Variants in GTF2H1 observed in about 807,000 individuals in gnomAD.
GTF2H1 encodes the protein BTF2 p62.
Under a neutral mutation model 71.2 loss-of-function variants are expected in GTF2H1, and 16 were observed. That is an observed-to-expected ratio of 0.22 (90% CI 0.15 to 0.34). GTF2H1 has a LOEUF of 0.34. Ranked by LOEUF, GTF2H1 falls within the 10% of genes least tolerant of loss-of-function variation. The pLI, the probability that GTF2H1 is intolerant of heterozygous loss-of-function variation, is 1.00. For synonymous variants in GTF2H1, 215 were observed against 219.0 expected (o/e 0.98, Z 0.16); for missense variants, 498 against 648.2 (o/e 0.77, Z 2.52).
Position 18,341,277 on chromosome 11 carries a change from A to G in GTF2H1, c.624A>G (p.Ala208=). The G allele has an allele frequency of 6.2e-7, 1 of 1,610,244 alleles. No individual in the cohort carries two copies. The highest frequency in any genetic ancestry group is 1.7e-5 in the Admixed American group (1 of 59,138). Residue 208 remains alanine (A), a synonymous_variant, in exon 6 of 15, where the codon GCA becomes GCG. Transcript: ENST00000265963. The part of the protein sequence containing the change: ...RTYPAVKMKY[A]ENVPHNMTEK... ...TTTCCACAGTAAAAATGAAATATGC[A>G]GAAAATGTTCCCCACAACATGACAG...
intron 2 of GTF2H1, among the ~76,000 whole-genome samples, chr11:18,334,495 A>G (rs749996520): frequency 3.0e-4 from 46 of 152,224 alleles, no homozygotes; most frequent in Non-Finnish European, 5.3e-4. Context: ...GTCTCTCTCA[A>G]ATGGGAAGCT....
At chr11:18,323,884 C>T (rs925835764) in intron 1 of GTF2H1, among the ~76,000 whole-genome samples, 10 of 152,138 alleles carry the variant, frequency 6.6e-5, no homozygotes, top group Admixed American at 5.9e-4. Flanking sequence ...AAAACCAGAG[C>T]AGTTGAGATG....
intron 11 of GTF2H1, among the ~76,000 whole-genome samples, chr11:18,357,655 T>C (rs1189438396): frequency 6.6e-6 from 1 of 152,210 alleles, no homozygotes; most frequent in African/African-American, 2.4e-5. Context: ...AGAGTTCTCA[T>C]ATTAAATTGA....
At chr11:18,353,143 T>A (rs1865466515) in intron 11 of GTF2H1, among the ~76,000 whole-genome samples, 1 of 152,216 alleles carries the variant, frequency 6.6e-6, no homozygotes, top group Non-Finnish European at 1.5e-5. Flanking sequence ...GAGAATCACT[T>A]GAACCTGGAA....
intron 1 of GTF2H1, among the ~76,000 whole-genome samples, chr11:18,329,904 A>G (rs984082606): frequency 2.6e-5 from 4 of 152,254 alleles, no homozygotes; most frequent in South Asian, 4.1e-4. Context: ...TACATACTGT[A>G]TGATTCCTTT....
At chr11:18,334,537 A>G (rs1864979701) in intron 2 of GTF2H1, among the ~76,000 whole-genome samples, 1 of 152,246 alleles carries the variant, frequency 6.6e-6, no homozygotes, top group African/African-American at 2.4e-5. Flanking sequence ...ACACACGCAC[A>G]TTGTGATAAC....
At chr11:18,348,053 G>A (rs1452315124) in intron 9 of GTF2H1, 134 bp downstream of exon 9, 2 of 720,992 alleles carry the variant, frequency 2.8e-6, no homozygotes, top group African/African-American at 1.8e-5. Context: ...GGCTTAAAGT[G>A]TATAGCATTA....
chr11:18,331,422 T>G (rs1864893669), intron 1 of GTF2H1, among the ~76,000 whole-genome samples: 1 of 152,014 alleles, frequency 6.6e-6, no homozygotes, highest in South Asian at 2.1e-4. Context: ...ATCCCAGCAC[T>G]TTGGGAGGCC....
At chr11:18,342,834 T>G (rs1173637186) in intron 7 of GTF2H1, among the ~76,000 whole-genome samples, 1 of 152,242 alleles carries the variant, frequency 6.6e-6, no homozygotes, top group Non-Finnish European at 1.5e-5. Flanking sequence ...TCCCATAGTT[T>G]AAAACATAGA....
At chr11:18,347,756 G>A (rs1174796057) in intron 8 of GTF2H1, 41 bp downstream of exon 8, 4 of 1,604,460 alleles carry the variant, frequency 2.5e-6, no homozygotes, top group Non-Finnish European at 3.4e-6. Flanking sequence ...GGGCTTTTCA[G>A]GATATCCAGA....
chr11:18,357,909 AAAG>A, intron 11 of GTF2H1, 40 bp from the exon 12 acceptor site: 1 of 1,201,602 alleles, frequency 8.3e-7, no homozygotes, highest in Non-Finnish European at 1.2e-6. Context: ...CAAAAAAAAA[AAAG>A]GGAGGAAAAC....
chr11:18,341,683 C>T, intron 7 of GTF2H1, 76 bp downstream of exon 7: 2 of 861,050 alleles, frequency 2.3e-6, no homozygotes, highest in Non-Finnish European at 3.7e-6. Flanking sequence ...GCGTAGTAGA[C>T]CTATTCCACT....
intron 1 of GTF2H1, among the ~76,000 whole-genome samples, chr11:18,331,651 A>G (rs976637782): frequency 1.4e-4 from 21 of 151,764 alleles, no homozygotes; most frequent in Non-Finnish European, 2.2e-4. Flanking sequence ...GGGCAACAAA[A>G]GTGAAACTCC....
At chr11:18,355,219 T>C (rs897957829) in intron 11 of GTF2H1, among the ~76,000 whole-genome samples, 3 of 151,806 alleles carry the variant, frequency 2.0e-5, no homozygotes, top group African/African-American at 4.8e-5. Flanking sequence ...CCCCACTCAC[T>C]GCAAGCTCCG....
chr11:18,340,424 A>G (rs1228077855), intron 5 of GTF2H1, among the ~76,000 whole-genome samples: 1 of 151,982 alleles, frequency 6.6e-6, no homozygotes, highest in African/African-American at 2.4e-5. Context: ...AGTAGCTGGG[A>G]CTACAGGCAC....
chr11:18,326,436 C>T (rs184357188), intron 1 of GTF2H1, among the ~76,000 whole-genome samples: 1 of 152,026 alleles, frequency 6.6e-6, no homozygotes, highest in Admixed American at 6.5e-5. Flanking sequence ...GCAAGGGAAT[C>T]GCTTGAATCC....
rs563758520 is a variant in GTF2H1, at chr11:18,366,880, G to GAA, written c.*1014_*1015dup. On this transcript the variant is annotated 3_prime_UTR_variant, in exon 15 of 15. Coordinates refer to ENST00000265963, the MANE Select transcript of GTF2H1 (RefSeq NM_005316.4). Reference sequence around the variant, plus strand: ...AATCGATAATCATTGCATAGTGACTGAAAAGCCTAAGTGCAAAAAAAAAAA... The same window carrying GAA: ...AATCGATAATCATTGCATAGTGACTGAAAAAAGCCTAAGTGCAAAAAAAAAAA... 68 of 135,314 alleles carry GAA rather than the reference G, an allele frequency of 5.0e-4. No individual in the cohort carries two copies. The highest frequency in any genetic ancestry group is 1.8e-3 in the African/African-American group (68 of 37,976). 8.4% of individuals were successfully genotyped at this position (135,314 alleles called of 1,614,324 possible).
At chr11:18,354,785 A>G (rs914511577) in intron 11 of GTF2H1, among the ~76,000 whole-genome samples, 4 of 151,970 alleles carry the variant, frequency 2.6e-5, no homozygotes, top group Admixed American at 1.3e-4. Flanking sequence ...CACTGTTGCT[A>G]TCTTTTTTTC....
intron 1 of GTF2H1, among the ~76,000 whole-genome samples, chr11:18,328,202 CA>C (rs35694798): frequency 0.6 from 59,641 of 99,772 alleles, 15,978 homozygotes; most frequent in East Asian, 0.66. Flanking sequence ...GACTCCATCT[CA>C]AAAAAAAAAA....
Sources: allele counts gnomAD v4.1 joint callset (sites outside exome capture counted in the v4.1 genomes callset), GRCh38; gene constraint gnomAD v4.1.1; transcripts MANE v1.5; gene names NCBI Gene and HGNC (gene_info 2026-07-23, HGNC 2026-07-21).